PET100: variants seen among roughly 807,000 people sequenced by gnomAD.
The protein encoded by PET100 is protein PET100 homolog, mitochondrial.
In PET100, 13 loss-of-function variants were observed where a neutral mutation model predicts 13.6. The observed-to-expected ratio is 0.96, with a 90% CI of 0.62 to 1.52. The LOEUF (loss-of-function observed/expected upper bound fraction) is 1.52, where lower values mean the gene tolerates loss of function less well. Among genes scored for constraint, PET100 ranks in the 40% most tolerant of loss-of-function variants. PET100 has a pLI of 0.00. For synonymous variants in PET100, 28 were observed against 30.8 expected, an observed-to-expected ratio of 0.91 and a Z score of 0.30; for missense variants, 94 against 95.3, an observed-to-expected ratio of 0.99 and a Z score of 0.06.
At position 7,631,790 on chromosome 19, in the gene PET100, C is replaced by G; in HGVS notation, c.*234C>G. The G allele has an allele frequency of 7.0e-7, 1 of 1,422,114 alleles. No individual in the cohort carries two copies. Among genetic ancestry groups the G allele is most frequent in the East Asian group, 2.6e-5 (1 of 38,246 alleles). 88.1% of individuals were successfully genotyped at this position (1,422,114 alleles called of 1,614,324 possible). A position where few individuals can be genotyped will look rare whatever the true frequency, so the allele number is the denominator to read the frequency against. On this transcript the variant is annotated 3_prime_UTR_variant, in exon 4 of 4. Transcript: ENST00000594797. ...AGGGGTTGGGGACTGAGGGTCCCAGCTCGTTTCTGTGCTCCGTCCTGTGGA... is the reference window on the plus strand; with the variant it reads ...AGGGGTTGGGGACTGAGGGTCCCAGGTCGTTTCTGTGCTCCGTCCTGTGGA...
chr19:7,630,962 G>C, intron 3 of PET100, 116 bp downstream of exon 3: 1 of 1,313,046 alleles, frequency 7.6e-7, no homozygotes, highest in Non-Finnish European at 1.1e-6. Context: ...GTAATCCCAG[G>C]GCATGGGAGG....
At position 7,631,648 on chromosome 19, in the gene PET100, A is replaced by G; in HGVS notation, c.*92A>G. Reference sequence around the variant, plus strand: ...CATTTAAGTGTTTTATTCTTTTATCAGTTTTTGGGGGCCGAGTGAGACCCA... The same window carrying G: ...CATTTAAGTGTTTTATTCTTTTATCGGTTTTTGGGGGCCGAGTGAGACCCA... On this transcript the variant is annotated 3_prime_UTR_variant, in exon 4 of 4. Coordinates refer to ENST00000594797, the MANE Select transcript of PET100 (RefSeq NM_001171155.2). The G allele has an allele frequency of 1.4e-6, 2 of 1,452,998 alleles. No homozygotes were observed. The highest frequency in any genetic ancestry group is 1.8e-6 in the Non-Finnish European group (2 of 1,100,324). The allele number at this position is 1,452,998 out of a possible 1,614,324, so 90.0% of individuals were successfully genotyped here.
chr19:7,631,650 T>G lies in PET100; in HGVS notation c.*94T>G. 1 of 1,451,338 alleles carries G rather than the reference T, an allele frequency of 6.9e-7. No homozygotes were observed. Among genetic ancestry groups the G allele is most frequent in the South Asian group, 1.5e-5 (1 of 68,850 alleles). The allele number at this position is 1,451,338 out of a possible 1,614,324, so 89.9% of individuals were successfully genotyped here. ...TTTAAGTGTTTTATTCTTTTATCAG[T>G]TTTTGGGGGCCGAGTGAGACCCAGG... On this transcript the variant is annotated 3_prime_UTR_variant, in exon 4 of 4. Coordinates refer to ENST00000594797, the MANE Select transcript of PET100 (RefSeq NM_001171155.2).
chr19:7,631,462 T>C lies in PET100; in HGVS notation c.139-11T>C. ...CCCCCCTTCCTGTCCCACCCGCTTC[T>C]CCACCCCTAGCTTCAAGAGATAGAG... On this transcript the variant is annotated splice_polypyrimidine_tract_variant and intron_variant, in intron 3 of 3. Coordinates refer to ENST00000594797, the MANE Select transcript of PET100 (RefSeq NM_001171155.2). The C allele has an allele frequency of 6.5e-7, 1 of 1,530,610 alleles. No individual in the cohort carries two copies. Among genetic ancestry groups the C allele is most frequent in the East Asian group, 2.5e-5 (1 of 40,668 alleles). 94.8% of individuals were successfully genotyped at this position (1,530,610 alleles called of 1,614,324 possible). A position where few individuals can be genotyped will look rare whatever the true frequency, so the allele number is the denominator to read the frequency against.
rs556380451 is a variant in PET100, at chr19:7,631,534, G to T, written c.200G>T (p.Arg67Leu). 2.0e-6 allele frequency: 3 copies of T among 1,535,728 alleles called. No individual in the cohort carries two copies. Among genetic ancestry groups the T allele is most frequent in the African/African-American group, 1.4e-5 (1 of 73,016 alleles). The change falls in exon 4 of 4, where the codon CGC becomes CTC. Residue 67 changes from arginine to leucine, a missense_variant. Coordinates refer to ENST00000594797, the MANE Select transcript of PET100 (RefSeq NM_001171155.2). The part of the protein sequence containing the change: ...LRKRREEKLL[R>L]DAQQNS ...AAGCGGCGGGAGGAGAAGCTCCTTCGCGACGCCCAGCAGAACTCCTGAGGC... is the reference window on the plus strand; with the variant it reads ...AAGCGGCGGGAGGAGAAGCTCCTTCTCGACGCCCAGCAGAACTCCTGAGGC...
chr19:7,631,693 G>A lies in PET100; in HGVS notation c.*137G>A. ...GACCCAGGATGCCTCAGGCCCTCAG[G>A]GGGCTTGTGTCGGGGGCTGGGGGCT... On this transcript the variant is annotated 3_prime_UTR_variant, in exon 4 of 4. Coordinates refer to ENST00000594797, the MANE Select transcript of PET100 (RefSeq NM_001171155.2). 6.9e-7 allele frequency: 1 copy of A among 1,457,470 alleles called. No individual in the cohort carries two copies. The highest frequency in any genetic ancestry group is 2.6e-5 in the East Asian group (1 of 38,910). 90.3% of individuals were successfully genotyped at this position (1,457,470 alleles called of 1,614,324 possible). A position where few individuals can be genotyped will look rare whatever the true frequency, so the allele number is the denominator to read the frequency against.
chr19:7,631,475 T>G lies in PET100; in HGVS notation c.141T>G (p.Leu47=). 1 of 1,535,752 alleles carries G rather than the reference T, an allele frequency of 6.5e-7. No homozygotes were observed. Among genetic ancestry groups the G allele is most frequent in the Non-Finnish European group, 8.7e-7 (1 of 1,146,514 alleles). ...CCCACCCGCTTCTCCACCCCTAGCT[T>G]CAAGAGATAGAGGAATTCAAAGAGA... The part of the protein sequence containing the change: ...RKRELWPPEK[L]QEIEEFKERL... Residue 47 remains leucine (L), a splice_region_variant and synonymous_variant, in exon 4 of 4, where the codon CTT becomes CTG. Coordinates refer to ENST00000594797, the MANE Select transcript of PET100 (RefSeq NM_001171155.2).
At chr19:7,630,944 T>G in intron 3 of PET100, 98 bp downstream of exon 3, 1 of 1,437,596 alleles carries the variant, frequency 7.0e-7, no homozygotes, top group Non-Finnish European at 9.5e-7. Flanking sequence ...GCGCAGTGGC[T>G]CATGCTTGTA....
intron 3 of PET100, 192 bp from the exon 4 acceptor site, chr19:7,631,281 T>G (rs2031282348): frequency 7.1e-7 from 1 of 1,413,090 alleles, no homozygotes. Context: ...CCTTATTGCC[T>G]TCTCCTGGAA....
intron 3 of PET100, 198 bp downstream of exon 3, chr19:7,631,044 A>G (rs1458341290): frequency 3.9e-6 from 3 of 775,236 alleles, no homozygotes; most frequent in Admixed American, 2.8e-5. Flanking sequence ...CCCCATGTCT[A>G]CAGAAATACA....
rs3760676 is a variant in PET100, at chr19:7,630,450, A to G, written c.28-123A>G. 0.35 allele frequency: 256,626 copies of G among 743,570 alleles called. 45,640 individuals are homozygous for G. The highest frequency in any genetic ancestry group is 0.37 in the Non-Finnish European group (162,026 of 442,080). The allele number at this position is 743,570 out of a possible 1,614,324, so 46.1% of individuals were successfully genotyped here. A position where few individuals can be genotyped will look rare whatever the true frequency, so the allele number is the denominator to read the frequency against. ...CTGTACCCTTGGTGGGAGTTCTGGG[A>G]TTCTTGGGTCGGCCGTAACGAGGCG... is the stretch of plus-strand genomic sequence containing the variant. On this transcript the variant is annotated intron_variant, in intron 1 of 3. Transcript: ENST00000594797.
chr19:7,629,842 G>A lies in PET100; in HGVS notation c.9G>A (p.Val3=), dbSNP rs1473839715. 4 of 1,536,076 alleles carry A rather than the reference G, an allele frequency of 2.6e-6. No homozygotes were observed. The highest frequency in any genetic ancestry group is 3.5e-6 in the Non-Finnish European group (4 of 1,146,450). MG[V]KLEIFRMIIY... ...TGACCGGGAGAAACGAGATGGGGGT[G>A]AAGCTGGAGATATTTCGGGTCAGTG... Residue 3 remains valine, a synonymous_variant, in exon 1 of 4, where the codon GTG becomes GTA. Transcript: ENST00000594797.
chr19:7,631,358 C>T (rs911653966), intron 3 of PET100, 115 bp from the exon 4 acceptor site: 4 of 1,359,272 alleles, frequency 2.9e-6, no homozygotes, highest in Admixed American at 6.2e-5. Flanking sequence ...GACACTGAAC[C>T]CTGAAGCCGT....
rs370531364 is a variant in PET100 at position 7,630,032 on chromosome 19, G to C, written c.27+172G>C. 12 of 839,578 alleles carry C rather than the reference G, an allele frequency of 1.4e-5. No individual in the cohort carries two copies. In the Middle Eastern group the frequency reaches 1.3e-3, roughly 89 times the overall value. 52.0% of individuals were successfully genotyped at this position (839,578 alleles called of 1,614,324 possible). On this transcript the variant is annotated intron_variant, in intron 1 of 3. Transcript: ENST00000594797. ...ATCCAGGAGAGGGGACGCTGGGCTG[G>C]GGGGGTTCTCGGATTTGGGCTTCTG...
chr19:7,631,398 G>C, intron 3 of PET100, 75 bp from the exon 4 acceptor site: 1 of 1,177,192 alleles, frequency 8.5e-7, no homozygotes. Context: ...GGAGAGGTGG[G>C]CGGGGGGGGG....
chr19:7,630,268 G>A (rs2031246579), intron 1 of PET100: 2 of 471,242 alleles, frequency 4.2e-6, no homozygotes, highest in African/African-American at 3.9e-5. Context: ...GGGATCTTAA[G>A]TGGGGATGGG....
intron 1 of PET100, 83 bp downstream of exon 1, chr19:7,629,943 C>CAAAAGGACTTCA: frequency 7.1e-7 from 1 of 1,401,400 alleles, no homozygotes; most frequent in Non-Finnish European, 9.4e-7. Flanking sequence ...GGGGGGACTT[C>CAAAAGGACTTCA]AAAGGAAGAG....
intron 3 of PET100, chr19:7,631,243 G>A (rs942914029): frequency 6.4e-6 from 9 of 1,411,382 alleles, no homozygotes; most frequent in Non-Finnish European, 8.3e-6. Context: ...CATGAGTAAG[G>A]AACCGAGAGC....
rs764288722 is a variant in PET100, at chr19:7,631,507, G to C, written c.173G>C (p.Arg58Pro). The C allele has an allele frequency of 6.5e-7, 1 of 1,536,106 alleles. No homozygotes were observed. Among genetic ancestry groups the C allele is most frequent in the African/African-American group, 1.4e-5 (1 of 73,008 alleles). ...ATAGAGGAATTCAAAGAGAGGTTAC[G>C]GAAGCGGCGGGAGGAGAAGCTCCTT... ...QEIEEFKERLRKRREEKLLRD... is the reference protein window; with the variant it reads ...QEIEEFKERLPKRREEKLLRD... The change falls in exon 4 of 4, where the codon CGG becomes CCG. Residue 58 changes from arginine (R) to proline (P), a missense_variant. Transcript: ENST00000594797.
Sources: allele counts gnomAD v4.1 joint callset, GRCh38; gene constraint gnomAD v4.1.1; transcripts MANE v1.5; gene names NCBI Gene and HGNC (gene_info 2026-07-23, HGNC 2026-07-21).